The following HMGCLL1 variants were observed in gnomAD, a reference collection of about 807,000 sequenced individuals.
HMGCLL1 encodes 3-hydroxymethyl-3-methylglutaryl-CoA lyase, cytoplasmic.
In HMGCLL1, 36 loss-of-function variants were observed where a neutral mutation model predicts 39.1. The observed-to-expected ratio is 0.92, with a 90% CI of 0.71 to 1.22. HMGCLL1 has a LOEUF of 1.22. Ranked by LOEUF, HMGCLL1 falls within the 50% of genes most tolerant of loss-of-function variation. HMGCLL1 has a pLI of 0.00. For missense variants in HMGCLL1, 451 were observed against 416.5 expected (o/e 1.08, Z -0.72); for synonymous variants, 149 against 144.0 (o/e 1.03, Z -0.25).
At chr6:55,511,551 T>C (rs1767460360) in intron 5 of HMGCLL1, among the ~76,000 whole-genome samples, 1 of 152,104 alleles carries the variant, frequency 6.6e-6, no homozygotes, top group Non-Finnish European at 1.5e-5. Flanking sequence ...CTATGGCCTT[T>C]AAAGCTGACA....
At chr6:55,582,151 G>C (rs528071623), upstream of HMGCLL1, among the ~76,000 whole-genome samples, 254 of 152,286 alleles carry the variant, frequency 1.7e-3, no homozygotes, top group Non-Finnish European at 2.8e-3. Flanking sequence ...TCTATGATGG[G>C]AGCCAGGTTC....
At chr6:55,483,150 T>C (rs1765830507) in intron 7 of HMGCLL1, among the ~76,000 whole-genome samples, 1 of 152,220 alleles carries the variant, frequency 6.6e-6, no homozygotes, top group Non-Finnish European at 1.5e-5. Flanking sequence ...AATATTATCA[T>C]TAAGTCAATT....
At chr6:55,513,754 A>C (rs1195636007) in intron 5 of HMGCLL1, 1 of 392,862 alleles carries the variant, frequency 2.5e-6, no homozygotes, top group East Asian at 4.4e-5. Context: ...AGGCTGAGAT[A>C]AGAGGGCTGC....
chr6:55,559,175 C>T (rs376341383), intron 1 of HMGCLL1, among the ~76,000 whole-genome samples: 5 of 152,098 alleles, frequency 3.3e-5, no homozygotes, highest in South Asian at 4.2e-4. Flanking sequence ...TTTTTGTTCC[C>T]GCCAAAAAAA....
chr6:55,461,167 A>T (rs559597780), intron 7 of HMGCLL1, among the ~76,000 whole-genome samples: 3 of 152,018 alleles, frequency 2.0e-5, no homozygotes, highest in Non-Finnish European at 2.9e-5. Flanking sequence ...AAGAATAATG[A>T]TCTACTATTT....
At chr6:55,622,466 G>GT in the HMGCLL1 span, among the ~76,000 whole-genome samples, 11 of 151,942 alleles carry the variant, frequency 7.2e-5, no homozygotes, top group Non-Finnish European at 1.3e-4. Context: ...TTTTTTGATG[G>GT]TTTTTATTAT....
intron 1 of HMGCLL1, among the ~76,000 whole-genome samples, chr6:55,564,767 T>C (rs1003462276): frequency 1.3e-5 from 2 of 151,364 alleles, no homozygotes; most frequent in Admixed American, 6.6e-5. Context: ...GTATCAGAAA[T>C]AGCCTATAAA....
chr6:55,483,248 A>C (rs186726254), intron 7 of HMGCLL1, among the ~76,000 whole-genome samples: 4 of 152,234 alleles, frequency 2.6e-5, no homozygotes, highest in Admixed American at 2.0e-4. Flanking sequence ...ATACACATAA[A>C]AATGATCAAG....
chr6:55,476,809 T>C (rs6934756), intron 7 of HMGCLL1, among the ~76,000 whole-genome samples: 66,071 of 150,794 alleles, frequency 0.44, 15,271 homozygotes, highest in African/African-American at 0.61. Flanking sequence ...TAGGAGTTTC[T>C]TTTCTTGTAA....
chr6:55,471,103 C>G (rs1765025600), intron 7 of HMGCLL1, among the ~76,000 whole-genome samples: 1 of 151,774 alleles, frequency 6.6e-6, no homozygotes, highest in Admixed American at 6.6e-5. Context: ...GCATATCATT[C>G]TCCTGTTTTA....
At chr6:55,633,214 A>G in the HMGCLL1 span, among the ~76,000 whole-genome samples, 2 of 152,000 alleles carry the variant, frequency 1.3e-5, no homozygotes, top group African/African-American at 2.4e-5. Context: ...ACTTACATGA[A>G]CTTTTGTGTT....
chr6:55,501,021 T>C (rs572964775), intron 5 of HMGCLL1, among the ~76,000 whole-genome samples: 40 of 152,050 alleles, frequency 2.6e-4, no homozygotes, highest in African/African-American at 9.4e-4. Flanking sequence ...ACCACTTTAT[T>C]GACAGAACCT....
At chr6:55,526,800 G>A (rs1299169230) in intron 3 of HMGCLL1, among the ~76,000 whole-genome samples, 1 of 151,974 alleles carries the variant, frequency 6.6e-6, no homozygotes, top group Non-Finnish European at 1.5e-5. Context: ...ATCACTTCAG[G>A]CCCATAAAAT....
In HMGCLL1 at chr6:55,483,664, T is replaced by C. The variant is rs76286502; in HGVS notation, c.795+11755A>G. ...AAGTGTGGCATTTGCACGAAATAAA[T>C]AGACTAAAGAGATGGAAAGACACAA... On this transcript the variant is annotated intron_variant, in intron 7 of 8. Coordinates refer to ENST00000274901, the MANE Select transcript of HMGCLL1 (RefSeq NM_001042406.2). Among the ~76,000 whole-genome samples the C allele has an allele frequency of 2.6e-5, 4 of 152,218 alleles. No individual in the cohort carries two copies. In the East Asian group the frequency reaches 7.7e-4, roughly 29 times the overall value.
the HMGCLL1 span, among the ~76,000 whole-genome samples, chr6:55,592,640 A>G: frequency 2.0e-5 from 3 of 152,110 alleles, no homozygotes; most frequent in Non-Finnish European, 4.4e-5. Flanking sequence ...ATATTTGGAC[A>G]TTGCCAGATA....
At chr6:55,582,598 A>C (rs1029238365), upstream of HMGCLL1, among the ~76,000 whole-genome samples, 1 of 152,124 alleles carries the variant, frequency 6.6e-6, no homozygotes, top group African/African-American at 2.4e-5. Flanking sequence ...AGCAATATCA[A>C]ATTATACATG....
the HMGCLL1 span, among the ~76,000 whole-genome samples, chr6:55,611,074 T>A: frequency 6.6e-6 from 1 of 152,162 alleles, no homozygotes; most frequent in Non-Finnish European, 1.5e-5. Context: ...CAGACCACAG[T>A]GTGATCAAAC....
At chr6:55,510,084 A>G (rs1767364361) in intron 5 of HMGCLL1, among the ~76,000 whole-genome samples, 2 of 152,020 alleles carry the variant, frequency 1.3e-5, no homozygotes, top group South Asian at 4.1e-4. Context: ...ATTCACAGAT[A>G]AATATTTTAA....
chr6:55,630,419 A>T, the HMGCLL1 span, among the ~76,000 whole-genome samples: 1 of 152,048 alleles, frequency 6.6e-6, no homozygotes, highest in East Asian at 1.9e-4. Flanking sequence ...ACAGGCTCAT[A>T]GGCAGAAGGG....
Sources: allele counts gnomAD v4.1 joint callset (sites outside exome capture counted in the v4.1 genomes callset), GRCh38; gene constraint gnomAD v4.1.1; transcripts MANE v1.5; gene names NCBI Gene and HGNC (gene_info 2026-07-23, HGNC 2026-07-21).